The following CACNA2D2 variants were observed in gnomAD, a reference collection of about 807,000 sequenced individuals.
CACNA2D2 encodes voltage-dependent calcium channel subunit alpha-2/delta-2.
A neutral mutation model predicts 166.4 loss-of-function variants in CACNA2D2; 48 were observed. The observed-to-expected ratio is 0.29, with a 90% CI of 0.23 to 0.37. The LOEUF is 0.37. CACNA2D2 is among the 10% of genes least tolerant of loss of function. The pLI, the probability that CACNA2D2 is intolerant of heterozygous loss-of-function variation, is 1.00. For synonymous variants in CACNA2D2, 561 were observed against 573.7 expected, an observed-to-expected ratio of 0.98 and a Z score of 0.32; for missense variants, 1,122 against 1,433.0, an observed-to-expected ratio of 0.78 and a Z score of 3.50.
In CACNA2D2 at chr3:50,378,657, G is replaced by A. The variant is rs140472079; in HGVS notation, c.1339+258C>T. Among the ~76,000 whole-genome samples the A allele has an allele frequency of 4.5e-3, 682 of 152,334 alleles. 9 individuals carry two copies. The highest frequency in any genetic ancestry group is 0.015 in the African/African-American group (613 of 41,572). On this transcript the variant is annotated intron_variant, in intron 13 of 37. Coordinates refer to ENST00000424201, the MANE Select transcript of CACNA2D2 (RefSeq NM_006030.4). ...GGCCCAAGTGCACAGAGAGATGGAC[G>A]GATCAGCAAACAGACGCAGGAGTAG...
At position 50,377,105 on chromosome 3, in the gene CACNA2D2, CAT is replaced by C. The variant is rs587717407; in HGVS notation, c.1626+360_1626+361del. ...TCAAAGGAAGAATTCTATTTTGTGA[CAT>C]GTGAAAATTATCTGAAATTCAAATA... On this transcript the variant is annotated intron_variant, in intron 17 of 37. Coordinates refer to ENST00000424201, the MANE Select transcript of CACNA2D2 (RefSeq NM_006030.4). Among the ~76,000 whole-genome samples the C allele has an allele frequency of 2.0e-5, 3 of 152,324 alleles. No individual in the cohort carries two copies. In the East Asian group the frequency reaches 5.8e-4, roughly 29 times the overall value.
At chr3:50,501,929 C>A (rs151204734) in intron 1 of CACNA2D2, among the ~76,000 whole-genome samples, 1 of 152,090 alleles carries the variant, frequency 6.6e-6, no homozygotes, top group Non-Finnish European at 1.5e-5. Flanking sequence ...AGGACACGTC[C>A]GTGCGGCACT....
chr3:50,412,739 G>T (rs949362502), intron 3 of CACNA2D2, among the ~76,000 whole-genome samples: 1 of 152,194 alleles, frequency 6.6e-6, no homozygotes, highest in Non-Finnish European at 1.5e-5. Flanking sequence ...ATCAATTTTT[G>T]ATGACAGTGA....
chr3:50,417,702 G>T (rs1166923741), intron 3 of CACNA2D2, among the ~76,000 whole-genome samples: 3 of 152,170 alleles, frequency 2.0e-5, no homozygotes, highest in African/African-American at 7.2e-5. Flanking sequence ...TGTGGATGTG[G>T]GGAGGGCACC....
At chr3:50,403,561 A>G (rs1195013602) in intron 3 of CACNA2D2, among the ~76,000 whole-genome samples, 1 of 151,786 alleles carries the variant, frequency 6.6e-6, no homozygotes, top group Non-Finnish European at 1.5e-5. Context: ...CAGACTCCCA[A>G]CCAAAGCTGG....
intron 2 of CACNA2D2, among the ~76,000 whole-genome samples, chr3:50,468,740 C>G (rs1709940589): frequency 6.6e-6 from 1 of 152,046 alleles, no homozygotes. Flanking sequence ...TATGCACTAA[C>G]TTCCCCATTC....
chr3:50,484,597 T>C (rs560200619), intron 1 of CACNA2D2, among the ~76,000 whole-genome samples: 1 of 152,040 alleles, frequency 6.6e-6, no homozygotes, highest in Non-Finnish European at 1.5e-5. Flanking sequence ...CCCACCTCCC[T>C]CCGGTCTCCA....
chr3:50,369,346 C>A (rs1704525946), intron 23 of CACNA2D2, among the ~76,000 whole-genome samples: 1 of 152,244 alleles, frequency 6.6e-6, no homozygotes, highest in South Asian at 2.1e-4. Flanking sequence ...GGGTCCCTGC[C>A]TTCAAGAGAG....
chr3:50,378,166 C>G, intron 14 of CACNA2D2, 69 bp from the exon 15 acceptor site: 3 of 1,585,026 alleles, frequency 1.9e-6, no homozygotes, highest in Non-Finnish European at 2.6e-6. Context: ...TCTCGCCAGG[C>G]ATTGGGATTG....
chr3:50,503,157 C>A (rs959124630), intron 1 of CACNA2D2, 61 bp downstream of exon 1: 17 of 1,026,278 alleles, frequency 1.7e-5, no homozygotes, highest in Non-Finnish European at 1.9e-5. Context: ...GTAGCGCGGA[C>A]CGGGGGCAGA....
At chr3:50,374,883 T>A in intron 21 of CACNA2D2, 70 bp from the exon 22 acceptor site, 1 of 1,302,398 alleles carries the variant, frequency 7.7e-7, no homozygotes, top group Non-Finnish European at 1.1e-6. Flanking sequence ...CCCCATGGCC[T>A]TGGAGCTGGG....
chr3:50,411,899 C>T (rs1707037707), intron 3 of CACNA2D2, among the ~76,000 whole-genome samples: 1 of 152,200 alleles, frequency 6.6e-6, no homozygotes, highest in South Asian at 2.1e-4. Flanking sequence ...AGTCCAGGTG[C>T]CAGCTCCCAG....
rs1318183277 is a variant in CACNA2D2 at position 50,425,909 on chromosome 3, G to A, written c.405+8404C>T. On this transcript the variant is annotated intron_variant, in intron 3 of 37. Transcript: ENST00000424201. ...AGGAAACTCGGGGCAACAGCTCCCA[G>A]CCTGCACTTGGAGCCTTCTCTGAGT... 1.3e-5 allele frequency among the ~76,000 whole-genome samples: 2 copies of A among 152,188 alleles called. 1 individual carries two copies. The highest frequency in any genetic ancestry group is 6.3e-3 in the Middle Eastern group (2 of 316).
At position 50,380,830 on chromosome 3, in the gene CACNA2D2, G is replaced by A. The variant is rs753113019; in HGVS notation, c.785-25C>T. 2 of 1,541,164 alleles carry A rather than the reference G, an allele frequency of 1.3e-6. No individual in the cohort carries two copies. Among genetic ancestry groups the A allele is most frequent in the South Asian group, 2.5e-5 (2 of 79,866 alleles). Reference sequence around the variant, plus strand: ...GCTGAGGGAGGAGAGAAGGTGAGGGGGACTGGCAGGAAAGGGCTGGCCTGG... The same window carrying A: ...GCTGAGGGAGGAGAGAAGGTGAGGGAGACTGGCAGGAAAGGGCTGGCCTGG... On this transcript the variant is annotated intron_variant, in intron 7 of 37. Transcript: ENST00000424201. This position sits in a 1 kb window ranked among gnomAD's most constrained non-coding sequence, Gnocchi z 4.9.
At chr3:50,474,966 G>A (rs983353303) in intron 2 of CACNA2D2, among the ~76,000 whole-genome samples, 11 of 152,118 alleles carry the variant, frequency 7.2e-5, no homozygotes, top group African/African-American at 1.9e-4. Flanking sequence ...GTTTAGTGTC[G>A]CTGGGCCACT....
Position 50,378,162 on chromosome 3 carries a change from C to T in CACNA2D2, c.1390-65G>A, listed in dbSNP as rs587650541. ...CCAGGCACTGCCTGTTCTGTCTCGC[C>T]AGGCATTGGGATTGTGCCCCAGCCA... On this transcript the variant is annotated intron_variant, in intron 14 of 37. Transcript: ENST00000424201. 3 of 1,588,468 alleles carry T rather than the reference C, an allele frequency of 1.9e-6. No homozygotes were observed. In the South Asian group the frequency reaches 3.3e-5, roughly 18 times the overall value.
intron 2 of CACNA2D2, among the ~76,000 whole-genome samples, chr3:50,454,688 G>A (rs572099839): frequency 2.0e-5 from 3 of 152,052 alleles, no homozygotes; most frequent in Non-Finnish European, 4.4e-5. Flanking sequence ...TCTTATACTC[G>A]GTGAGCTAAA....
chr3:50,494,326 C>CA (rs942344004), intron 1 of CACNA2D2, among the ~76,000 whole-genome samples: 1 of 152,132 alleles, frequency 6.6e-6, no homozygotes, highest in African/African-American at 2.4e-5. Flanking sequence ...TTTAAGGCTT[C>CA]AAATGCAGCG....
chr3:50,397,356 C>G (rs1215426115), intron 3 of CACNA2D2, among the ~76,000 whole-genome samples: 1 of 152,096 alleles, frequency 6.6e-6, no homozygotes, highest in Non-Finnish European at 1.5e-5. Context: ...ACAGGCAGGC[C>G]CGGTGGTGGG....
Sources: gnomAD v4.1 joint callset for allele counts (sites outside exome capture counted in the v4.1 genomes callset) on GRCh38, gnomAD v4.1.1 for gene constraint, Gnocchi (gnomAD v3.1) non-coding constraint, MANE v1.5 for transcripts, NCBI Gene and HGNC (gene_info 2026-07-23, HGNC 2026-07-21) for gene names.